The following PCDH15 variants were observed in gnomAD, a reference collection of about 807,000 sequenced individuals.
The protein encoded by PCDH15 is protocadherin related 15.
In PCDH15, 129 loss-of-function variants were observed where a neutral mutation model predicts 178.5. The observed-to-expected ratio is 0.72, with a 90% confidence interval of 0.63 to 0.84. PCDH15 has a LOEUF of 0.84. Among genes scored for constraint, PCDH15 ranks in the 40% least tolerant of loss-of-function variants. The pLI is 0.00. For synonymous variants in PCDH15, 800 were observed against 732.0 expected, an observed-to-expected ratio of 1.09 and a Z score of -1.50; for missense variants, 2,230 against 2,099.9, an observed-to-expected ratio of 1.06 and a Z score of -1.21.
rs115762239 is a variant in PCDH15 at position 54,637,301 on chromosome 10, T to C, written c.91+26871A>G. ...AGGTGTTAGTTTTCTATCACTATGG[T>C]AACAATCACCACAGACTTAAAATAA... On this transcript the variant is annotated intron_variant, in intron 2 of 37. Transcript: ENST00000644397. Among the ~76,000 whole-genome samples the C allele has an allele frequency of 1.6e-3, 244 of 152,066 alleles. 1 individual carries two copies. The highest frequency in any genetic ancestry group is 5.4e-3 in the African/African-American group (225 of 41,536).
intron 2 of PCDH15, among the ~76,000 whole-genome samples, chr10:54,584,224 A>T (rs1438234222): frequency 6.6e-6 from 1 of 152,068 alleles, no homozygotes; most frequent in South Asian, 2.1e-4. Flanking sequence ...CTCTATAAAA[A>T]GGAAAACAAT....
At chr10:54,833,009 A>G (rs754961431) in intron 3 of PCDH15, among the ~76,000 whole-genome samples, 1 of 152,172 alleles carries the variant, frequency 6.6e-6, no homozygotes, top group Non-Finnish European at 1.5e-5. Context: ...ATGCAAGAAA[A>G]AGGGACTAAG....
At chr10:54,250,286 T>G (rs1327295258) in intron 8 of PCDH15, among the ~76,000 whole-genome samples, 1 of 142,304 alleles carries the variant, frequency 7.0e-6, no homozygotes, top group Non-Finnish European at 1.5e-5. Flanking sequence ...TTTTTTTTTT[T>G]TTTTTGGAGA....
At chr10:53,853,107 A>G (rs2078492850) in intron 28 of PCDH15, among the ~76,000 whole-genome samples, 1 of 152,076 alleles carries the variant, frequency 6.6e-6, no homozygotes, top group Admixed American at 6.6e-5. Context: ...TTTCTGCTTA[A>G]GAAAACTCTA....
chr10:54,174,078 T>C (rs1333873291), intron 13 of PCDH15, among the ~76,000 whole-genome samples: 1 of 152,148 alleles, frequency 6.6e-6, no homozygotes, highest in African/African-American at 2.4e-5. Context: ...TTTATAGCAG[T>C]AGAAAACCAT....
chr10:54,023,680 T>A (rs2092998440), intron 18 of PCDH15, among the ~76,000 whole-genome samples: 1 of 120,182 alleles, frequency 8.3e-6, no homozygotes, highest in African/African-American at 2.6e-5. Context: ...TGTTATGCTG[T>A]TATTTATGTG....
intron 26 of PCDH15, among the ~76,000 whole-genome samples, chr10:53,884,893 T>C (rs533319915): frequency 8.5e-5 from 13 of 152,270 alleles, no homozygotes; most frequent in Admixed American, 3.9e-4. Flanking sequence ...TCTCATTAGT[T>C]ACCCCTAATT....
At chr10:54,030,263 A>AGGG (rs2093254313) in intron 18 of PCDH15, among the ~76,000 whole-genome samples, 1 of 151,964 alleles carries the variant, frequency 6.6e-6, no homozygotes, top group Non-Finnish European at 1.5e-5. Context: ...GGAACCATAA[A>AGGG]AGCTGTTGAT....
intron 1 of PCDH15, among the ~76,000 whole-genome samples, chr10:54,783,905 AAAG>A (rs1950599185): frequency 6.6e-6 from 1 of 152,126 alleles, no homozygotes; most frequent in African/African-American, 2.4e-5. Flanking sequence ...GGCAATTTAC[AAAG>A]AAGAGTTTTA....
chr10:54,737,632 C>T (rs571141127), intron 1 of PCDH15, among the ~76,000 whole-genome samples: 2 of 152,118 alleles, frequency 1.3e-5, no homozygotes, highest in African/African-American at 4.8e-5. Context: ...CTGGGCCTCA[C>T]TTTTTTTCAT....
intron 2 of PCDH15, among the ~76,000 whole-genome samples, chr10:55,386,093 A>G (rs2132007753): frequency 6.6e-6 from 1 of 152,088 alleles, no homozygotes; most frequent in Non-Finnish European, 1.5e-5. Context: ...AAAATACTGT[A>G]TATTTCTCAT....
chr10:55,321,412 G>A (rs1176542160), upstream of PCDH15, among the ~76,000 whole-genome samples: 3 of 152,090 alleles, frequency 2.0e-5, no homozygotes, highest in African/African-American at 7.2e-5. Context: ...CAAGCAACTT[G>A]AAAAACAACT....
intron 2 of PCDH15, among the ~76,000 whole-genome samples, chr10:55,455,545 T>C (rs1413325091): frequency 6.6e-6 from 1 of 152,088 alleles, no homozygotes; most frequent in Non-Finnish European, 1.5e-5. Flanking sequence ...ATCAGAACTA[T>C]CATACAACTT....
intron 8 of PCDH15, among the ~76,000 whole-genome samples, chr10:54,242,376 C>T (rs12252710): frequency 0.055 from 8,238 of 151,136 alleles, 555 homozygotes; most frequent in African/African-American, 0.17. Flanking sequence ...AGATTGGATA[C>T]ATTCACTGTT....
intron 2 of PCDH15, among the ~76,000 whole-genome samples, chr10:55,411,480 G>T (rs1336301070): frequency 6.6e-6 from 1 of 151,918 alleles, no homozygotes; most frequent in African/African-American, 2.4e-5. Flanking sequence ...AATAATTAGG[G>T]TATACTCTCT....
Position 55,417,219 on chromosome 10 carries a change from C to T in PCDH15, c.-156+210406G>A, listed in dbSNP as rs73257741. Among the ~76,000 whole-genome samples, 150 of 151,864 alleles carry T rather than the reference C, an allele frequency of 9.9e-4. 1 individual carries two copies. The highest frequency in any genetic ancestry group is 3.4e-3 in the African/African-American group (141 of 41,494). On this transcript the variant is annotated intron_variant, in intron 2 of 5. Coordinates refer to the PCDH15 transcript ENST00000613346. ...ATCCATCGCTGTGTTAGCACTGAAACTACAGCAGCAGAGATTGAGATCTTG... is the reference window on the plus strand; with the variant it reads ...ATCCATCGCTGTGTTAGCACTGAAATTACAGCAGCAGAGATTGAGATCTTG...
intron 3 of PCDH15, among the ~76,000 whole-genome samples, chr10:54,806,576 C>T (rs1345445784): frequency 2.0e-5 from 3 of 148,778 alleles, no homozygotes; most frequent in Admixed American, 6.7e-5. Flanking sequence ...TTTTGCCTCC[C>T]GGGTTCGAGC....
chr10:54,066,071 T>C (rs1399878226), intron 18 of PCDH15, among the ~76,000 whole-genome samples: 1 of 152,176 alleles, frequency 6.6e-6, no homozygotes, highest in Non-Finnish European at 1.5e-5. Flanking sequence ...GAAGACCACA[T>C]AAACACCTCA....
intron 2 of PCDH15, among the ~76,000 whole-genome samples, chr10:55,058,600 A>G (rs1841361435): frequency 6.6e-6 from 1 of 152,176 alleles, no homozygotes; most frequent in Admixed American, 6.5e-5. Flanking sequence ...AAACACAGAG[A>G]CACATACAAC....
Sources: gnomAD v4.1 joint callset for allele counts (sites outside exome capture counted in the v4.1 genomes callset) on GRCh38, gnomAD v4.1.1 for gene constraint, MANE v1.5 for transcripts, NCBI Gene and HGNC (gene_info 2026-07-23, HGNC 2026-07-21) for gene names.